The following DOCK4 variants were observed in gnomAD, a reference collection of about 807,000 sequenced individuals.
DOCK4 encodes dedicator of cytokinesis 4.
A neutral mutation model predicts 268.1 loss-of-function variants in DOCK4; 97 were observed. That is an observed-to-expected ratio of 0.36 (90% confidence interval 0.31 to 0.43). The LOEUF (loss-of-function observed/expected upper bound fraction) is 0.43. Among genes scored for constraint, DOCK4 ranks in the 20% least tolerant of loss-of-function variants. The probability of loss-of-function intolerance (pLI) is 1.00; values close to 1 mark genes in which losing one functional copy is unlikely to be tolerated. For synonymous variants in DOCK4, 954 were observed against 887.2 expected (o/e 1.08, Z -1.34); for missense variants, 2,145 against 2,455.7 (o/e 0.87, Z 2.67).
intron 1 of DOCK4, among the ~76,000 whole-genome samples, chr7:112,114,787 G>A (rs1811975448): frequency 6.6e-6 from 1 of 152,146 alleles, no homozygotes; most frequent in Admixed American, 6.6e-5. Flanking sequence ...CTACAGTTTG[G>A]TGCCAGGGTC....
At chr7:112,041,998 G>A (rs962513844) in intron 1 of DOCK4, among the ~76,000 whole-genome samples, 13 of 152,126 alleles carry the variant, frequency 8.5e-5, no homozygotes, top group East Asian at 1.9e-4. Context: ...GGTGGCACAC[G>A]CGTGTAGTCC....
At chr7:111,959,955 G>A (rs898220094) in intron 8 of DOCK4, among the ~76,000 whole-genome samples, 2 of 152,170 alleles carry the variant, frequency 1.3e-5, no homozygotes, top group African/African-American at 4.8e-5. Flanking sequence ...CATTGGTGCG[G>A]CCATCACTGC....
chr7:111,748,565 A>G (rs1340611156), intron 42 of DOCK4, among the ~76,000 whole-genome samples: 1 of 152,176 alleles, frequency 6.6e-6, no homozygotes, highest in Non-Finnish European at 1.5e-5. Flanking sequence ...TGCTACAATA[A>G]CATACTACTA....
intron 1 of DOCK4, among the ~76,000 whole-genome samples, chr7:112,030,831 G>A (rs1161470563): frequency 1.3e-5 from 2 of 152,162 alleles, no homozygotes; most frequent in African/African-American, 4.8e-5. Flanking sequence ...CTCAGTTCAT[G>A]AACTTTTTAA....
chr7:112,186,936 T>C (rs1334267017), intron 1 of DOCK4, among the ~76,000 whole-genome samples: 3 of 152,132 alleles, frequency 2.0e-5, no homozygotes, highest in Non-Finnish European at 4.4e-5. Flanking sequence ...CTATTAAAAA[T>C]AGATTGTCCA....
chr7:112,188,195 A>G (rs977927836), intron 1 of DOCK4, among the ~76,000 whole-genome samples: 1 of 152,256 alleles, frequency 6.6e-6, no homozygotes, highest in African/African-American at 2.4e-5. Flanking sequence ...ACCAGCACAA[A>G]CAGTAAATAT....
chr7:112,187,029 T>C (rs1819540756), intron 1 of DOCK4, among the ~76,000 whole-genome samples: 1 of 151,866 alleles, frequency 6.6e-6, no homozygotes, highest in Admixed American at 6.6e-5. Flanking sequence ...GAGAGAAAAA[T>C]AAAAACCAGA....
chr7:111,842,866 G>A (rs573444528), intron 25 of DOCK4, among the ~76,000 whole-genome samples: 4 of 152,160 alleles, frequency 2.6e-5, no homozygotes, highest in African/African-American at 9.7e-5. Context: ...ACCAAGTGGC[G>A]AACCTGGATT....
chr7:111,985,514 T>C (rs1236126185), intron 6 of DOCK4, among the ~76,000 whole-genome samples: 1 of 152,134 alleles, frequency 6.6e-6, no homozygotes, highest in African/African-American at 2.4e-5. Flanking sequence ...TCCCCCAAAA[T>C]CTCATTAAGG....
chr7:111,726,865 C>T lies in DOCK4; in HGVS notation c.*1409G>A, dbSNP rs977784426. 3 of 152,548 alleles carry T rather than the reference C, an allele frequency of 2.0e-5. No homozygotes were observed. The highest frequency in any genetic ancestry group is 2.4e-5 in the African/African-American group (1 of 41,520). The allele number at this position is 152,548 out of a possible 1,614,324, so 9.4% of individuals were successfully genotyped here. Reference sequence around the variant, plus strand: ...TATTATAGAAAACCTCTATAACCAGCCTCAACAGCATATACCTGCTGAATG... The same window carrying T: ...TATTATAGAAAACCTCTATAACCAGTCTCAACAGCATATACCTGCTGAATG... On this transcript the variant is annotated 3_prime_UTR_variant, in exon 53 of 53. Coordinates refer to ENST00000428084, the MANE Select transcript of DOCK4 (RefSeq NM_001363540.2).
intron 30 of DOCK4, among the ~76,000 whole-genome samples, chr7:111,802,175 A>C (rs1157781778): frequency 6.6e-6 from 1 of 152,114 alleles, no homozygotes; most frequent in African/African-American, 2.4e-5. Context: ...ACCTGAACTC[A>C]ATCACTCTTA....
intron 47 of DOCK4, among the ~76,000 whole-genome samples, chr7:111,740,752 A>AAAAC (rs1795858626): frequency 6.8e-6 from 1 of 147,110 alleles, no homozygotes; most frequent in Non-Finnish European, 1.5e-5. Flanking sequence ...AAAAAAAAAA[A>AAAAC]AAAAAAAAGG....
intron 1 of DOCK4, among the ~76,000 whole-genome samples, chr7:112,127,890 A>C (rs1813387813): frequency 1.3e-5 from 2 of 152,220 alleles, no homozygotes; most frequent in East Asian, 3.9e-4. Flanking sequence ...TTAGTCGGGC[A>C]TGGTGGTGCA....
chr7:111,994,855 G>C (rs1224961826), intron 4 of DOCK4, among the ~76,000 whole-genome samples: 1 of 152,000 alleles, frequency 6.6e-6, no homozygotes, highest in East Asian at 1.9e-4. Flanking sequence ...ACCGATATTT[G>C]AATATTCGTT....
chr7:111,891,238 A>C (rs1335119261), intron 16 of DOCK4, among the ~76,000 whole-genome samples: 1 of 152,132 alleles, frequency 6.6e-6, no homozygotes, highest in Admixed American at 6.5e-5. Context: ...ACTAACAAAA[A>C]ATTTAAGCAA....
Position 112,206,085 on chromosome 7 carries a change from G to A in DOCK4, c.37+17C>T. 1 of 1,573,106 alleles carries A rather than the reference G, an allele frequency of 6.4e-7. No individual in the cohort carries two copies. The highest frequency in any genetic ancestry group is 1.4e-5 in the African/African-American group (1 of 73,946). On this transcript the variant is annotated intron_variant, in intron 1 of 52. Transcript: ENST00000428084. ...TCGGGCCAGAGCAGAATAAAAGTTC[G>A]CCCCGCGGAGACTCACCCACGCCGT...
At chr7:111,739,033 C>T in intron 49 of DOCK4, 101 bp downstream of exon 49, 1 of 937,538 alleles carries the variant, frequency 1.1e-6, no homozygotes, top group Non-Finnish European at 1.7e-6. Flanking sequence ...TGACACTGCC[C>T]AGCTGCTTGC....
intron 1 of DOCK4, among the ~76,000 whole-genome samples, chr7:112,167,489 A>C (rs370043644): frequency 3.1e-4 from 47 of 152,348 alleles, no homozygotes; most frequent in African/African-American, 1.1e-3. Flanking sequence ...CACTTGATTA[A>C]AGAATCTGTG....
At chr7:111,966,078 G>C (rs1401938670) in intron 8 of DOCK4, among the ~76,000 whole-genome samples, 1 of 55,218 alleles carries the variant, frequency 1.8e-5, no homozygotes, top group Non-Finnish European at 2.9e-5. Context: ...GAAATTTATA[G>C]CACTAAATGA....
Sources: gnomAD v4.1 joint callset for allele counts (sites outside exome capture counted in the v4.1 genomes callset) on GRCh38, gnomAD v4.1.1 for gene constraint, MANE v1.5 for transcripts, NCBI Gene and HGNC (gene_info 2026-07-23, HGNC 2026-07-21) for gene names.